Variants in KDM4B observed in about 807,000 individuals in gnomAD.
KDM4B encodes lysine demethylase 4B.
KDM4B carries 32 observed loss-of-function variants against 125.2 expected under a neutral mutation model. The observed-to-expected ratio is 0.26, with a 90% CI of 0.19 to 0.34. The LOEUF (loss-of-function observed/expected upper bound fraction) is 0.34, where lower values mean the gene tolerates loss of function less well. Ranked by LOEUF, KDM4B falls within the 10% of genes least tolerant of loss-of-function variation. The pLI is 1.00. For synonymous variants in KDM4B, 721 were observed against 677.9 expected (o/e 1.06, Z -0.99); for missense variants, 1,190 against 1,577.7 (o/e 0.75, Z 4.16).
intron 1 of KDM4B, among the ~76,000 whole-genome samples, chr19:5,000,966 C>T (rs2145429252): frequency 6.6e-6 from 1 of 152,222 alleles, no homozygotes; most frequent in East Asian, 1.9e-4. Flanking sequence ...GGAAAGGAAT[C>T]TCGTTAGTCT....
chr19:5,002,422 C>T (rs4995815), intron 1 of KDM4B, among the ~76,000 whole-genome samples: 1 of 128,548 alleles, frequency 7.8e-6, no homozygotes, highest in African/African-American at 3.0e-5. Flanking sequence ...CTTTCTCTCT[C>T]CTTTCTCTCT....
At chr19:5,103,482 C>T (rs374906812) in intron 9 of KDM4B, among the ~76,000 whole-genome samples, 30 of 152,292 alleles carry the variant, frequency 2.0e-4, no homozygotes, top group South Asian at 1.7e-3. Flanking sequence ...GGCTGTCGGA[C>T]GCGTCAGTCT....
In KDM4B at chr19:5,152,971, A is replaced by C. The variant is rs2039973211; in HGVS notation, c.*1460A>C. 1 of 152,120 alleles carries C rather than the reference A, an allele frequency of 6.6e-6. No individual in the cohort carries two copies. The highest frequency in any genetic ancestry group is 1.5e-5 in the Non-Finnish European group (1 of 68,180). 9.4% of individuals were successfully genotyped at this position (152,120 alleles called of 1,614,324 possible). A position where few individuals can be genotyped will look rare whatever the true frequency, so the allele number is the denominator to read the frequency against. On this transcript the variant is annotated 3_prime_UTR_variant, in exon 23 of 23. Coordinates refer to ENST00000159111, the MANE Select transcript of KDM4B (RefSeq NM_015015.3). ...TGTGGTGGGAGGATTGCTTGAGTCC[A>C]GGAGGTTGAGGCTGCAGTCAGCTCA...
At chr19:5,061,835 A>C (rs916049744) in intron 6 of KDM4B, among the ~76,000 whole-genome samples, 2 of 152,000 alleles carry the variant, frequency 1.3e-5, no homozygotes, top group Non-Finnish European at 2.9e-5. Context: ...TCTTAAAAAA[A>C]AAAAACAAAA....
chr19:5,022,117 A>G (rs2036141345), intron 2 of KDM4B, among the ~76,000 whole-genome samples: 1 of 152,210 alleles, frequency 6.6e-6, no homozygotes, highest in South Asian at 2.1e-4. Context: ...GACAGAGTCA[A>G]GTGGCCCGGA....
intron 10 of KDM4B, chr19:5,111,503 G>C (rs777941058): frequency 1.3e-6 from 1 of 765,238 alleles, no homozygotes; most frequent in South Asian, 1.3e-5. Context: ...ACGGAGGCAG[G>C]TCCCGGCCTA....
intron 9 of KDM4B, among the ~76,000 whole-genome samples, chr19:5,098,468 C>A (rs1414439427): frequency 6.6e-6 from 1 of 152,084 alleles, no homozygotes; most frequent in Non-Finnish European, 1.5e-5. Context: ...TGCTTTATAA[C>A]AGGAAGTGCT....
intron 1 of KDM4B, among the ~76,000 whole-genome samples, chr19:5,013,232 G>A (rs980958387): frequency 7.9e-5 from 12 of 152,192 alleles, no homozygotes; most frequent in Admixed American, 7.2e-4. Context: ...GTGGCCCGTC[G>A]TGCAGCGGGG....
chr19:5,061,941 G>A (rs2037613721), intron 6 of KDM4B, among the ~76,000 whole-genome samples: 1 of 152,182 alleles, frequency 6.6e-6, no homozygotes, highest in African/African-American at 2.4e-5. Flanking sequence ...GCCTTGGGAG[G>A]AGCCGTGCAG....
chr19:5,007,720 C>T (rs770347819), intron 1 of KDM4B, among the ~76,000 whole-genome samples: 2 of 151,654 alleles, frequency 1.3e-5, no homozygotes, highest in Non-Finnish European at 2.9e-5. Flanking sequence ...TAATTTTTTT[C>T]TTCTTTATTT....
chr19:5,023,364 G>A (rs569751707), intron 2 of KDM4B, among the ~76,000 whole-genome samples: 6 of 152,370 alleles, frequency 3.9e-5, no homozygotes, highest in South Asian at 4.1e-4. Context: ...GGAGCTGCTC[G>A]TGGGACGTGG....
At chr19:5,091,176 G>A (rs1386720841) in intron 9 of KDM4B, among the ~76,000 whole-genome samples, 2 of 152,244 alleles carry the variant, frequency 1.3e-5, no homozygotes. Context: ...CGAGGTGGGT[G>A]GTGCCTGGTG....
At chr19:5,104,028 G>A (rs976823143) in intron 9 of KDM4B, among the ~76,000 whole-genome samples, 38 of 152,316 alleles carry the variant, frequency 2.5e-4, no homozygotes, top group Non-Finnish European at 1.6e-4. Context: ...CCCTCCCCAC[G>A]GCTGCCTGCA....
chr19:5,110,494 CG>C lies in KDM4B; in HGVS notation c.919-126del, dbSNP rs1315323934. ...CTCGAAAAGAAAAATGTTCTAGAAG[CG>C]GAATGCTCAGCGGTGGGATGGGGTG... On this transcript the variant is annotated intron_variant, in intron 9 of 22. Transcript: ENST00000159111. 9.8e-6 allele frequency: 8 copies of C among 819,784 alleles called. No individual in the cohort carries two copies. The African/African-American group carries it at 1.2e-4, about 12-fold the overall frequency. 50.8% of individuals were successfully genotyped at this position (819,784 alleles called of 1,614,324 possible). A position where few individuals can be genotyped will look rare whatever the true frequency, so the allele number is the denominator to read the frequency against.
intron 1 of KDM4B, among the ~76,000 whole-genome samples, chr19:5,000,674 A>G (rs1486686645): frequency 1.3e-5 from 2 of 152,196 alleles, no homozygotes; most frequent in Non-Finnish European, 2.9e-5. Flanking sequence ...AAAAGTTTAC[A>G]TGGATTAGTT....
intron 1 of KDM4B, among the ~76,000 whole-genome samples, chr19:4,996,651 G>A (rs559995067): frequency 2.1e-4 from 32 of 151,840 alleles, no homozygotes; most frequent in Middle Eastern, 3.4e-3. Flanking sequence ...TTGTGCCCCT[G>A]CACAGTCATT....
chr19:5,014,209 C>T (rs763710030), intron 1 of KDM4B, among the ~76,000 whole-genome samples: 38 of 152,250 alleles, frequency 2.5e-4, no homozygotes, highest in Non-Finnish European at 4.4e-4. Context: ...CCTTGAACTC[C>T]TGGGCTCATG....
At chr19:5,039,150 G>GA (rs2036723944) in intron 3 of KDM4B, among the ~76,000 whole-genome samples, 1 of 152,304 alleles carries the variant, frequency 6.6e-6, no homozygotes, top group South Asian at 2.1e-4. Context: ...TTCCCGTTTT[G>GA]AAAAATGCCT....
chr19:5,069,260 G>A (rs781305906), intron 6 of KDM4B, among the ~76,000 whole-genome samples: 39 of 152,100 alleles, frequency 2.6e-4, no homozygotes, highest in Admixed American at 7.2e-4. Flanking sequence ...CGTGATGTTC[G>A]CCTCTTCTCT....
Sources: allele counts gnomAD v4.1 joint callset (sites outside exome capture counted in the v4.1 genomes callset), GRCh38; gene constraint gnomAD v4.1.1; transcripts MANE v1.5; gene names NCBI Gene and HGNC (gene_info 2026-07-23, HGNC 2026-07-21).